Variants in UBE3D observed in about 807,000 individuals in gnomAD.
UBE3D encodes the protein E3 ubiquitin-protein ligase E3D.
UBE3D carries 48 observed loss-of-function variants against 49.6 expected under a neutral mutation model. That is an observed-to-expected ratio of 0.97 (90% CI 0.77 to 1.23). UBE3D has a LOEUF of 1.23. Ranked by LOEUF, UBE3D falls within the 50% of genes most tolerant of loss-of-function variation. The pLI, the probability that UBE3D is intolerant of heterozygous loss-of-function variation, is 0.00. For synonymous variants in UBE3D, 189 were observed against 174.2 expected, an observed-to-expected ratio of 1.08 and a Z score of -0.67; for missense variants, 452 against 468.4, an observed-to-expected ratio of 0.96 and a Z score of 0.32.
At chr6:82,960,124 C>A (rs896305747) in intron 8 of UBE3D, among the ~76,000 whole-genome samples, 4 of 152,152 alleles carry the variant, frequency 2.6e-5, no homozygotes, top group African/African-American at 7.2e-5. Context: ...AAAGTTTTCA[C>A]CTCTAAATAA....
At chr6:83,000,666 C>T (rs1364980831) in intron 8 of UBE3D, among the ~76,000 whole-genome samples, 1 of 152,066 alleles carries the variant, frequency 6.6e-6, no homozygotes, top group Non-Finnish European at 1.5e-5. Flanking sequence ...TTTCAAGTCC[C>T]TTTGGGTCCC....
intron 8 of UBE3D, among the ~76,000 whole-genome samples, chr6:82,999,118 C>G (rs1779441952): frequency 6.6e-6 from 1 of 152,172 alleles, no homozygotes; most frequent in South Asian, 2.1e-4. Context: ...TGCCTCCTCC[C>G]TCTTTACTCC....
At chr6:83,014,084 G>A (rs1269586375) in intron 8 of UBE3D, among the ~76,000 whole-genome samples, 1 of 152,236 alleles carries the variant, frequency 6.6e-6, no homozygotes, top group Non-Finnish European at 1.5e-5. Context: ...AGTACCAGGA[G>A]ATGTGTTAAT....
intron 3 of UBE3D, among the ~76,000 whole-genome samples, chr6:83,051,418 T>A (rs1237615204): frequency 6.6e-6 from 1 of 152,122 alleles, no homozygotes; most frequent in East Asian, 1.9e-4. Flanking sequence ...GGGCAACAGA[T>A]AAAAGATTTT....
chr6:83,044,079 A>AACTTGCTAACCTAAATCAG (rs1408912626), intron 4 of UBE3D, among the ~76,000 whole-genome samples: 1 of 152,230 alleles, frequency 6.6e-6, no homozygotes, highest in Non-Finnish European at 1.5e-5. Context: ...GGAGCAAGAC[A>AACTTGCTAACCTAAATCAG]ACACTTTTAA....
intron 1 of UBE3D, among the ~76,000 whole-genome samples, chr6:83,064,283 G>C (rs1365805784): frequency 6.6e-6 from 1 of 151,988 alleles, no homozygotes; most frequent in Non-Finnish European, 1.5e-5. Flanking sequence ...AACTGCAGTG[G>C]CGCGATCTCA....
chr6:83,059,113 A>G (rs9344334), intron 1 of UBE3D, among the ~76,000 whole-genome samples: 135,099 of 152,178 alleles, frequency 0.89, 60,003 homozygotes, highest in East Asian at 0.94. Context: ...AGGTCGAGGT[A>G]GCTCACTCCT....
At chr6:82,992,216 C>CTTTTT (rs386407755) in intron 8 of UBE3D, among the ~76,000 whole-genome samples, 70 of 96,750 alleles carry the variant, frequency 7.2e-4, no homozygotes, top group East Asian at 1.3e-3. Flanking sequence ...ATCTGCATTC[C>CTTTTT]TTTTTTTTTT....
chr6:82,906,354 T>C (rs1772099807), intron 9 of UBE3D, among the ~76,000 whole-genome samples: 1 of 150,960 alleles, frequency 6.6e-6, no homozygotes, highest in African/African-American at 2.5e-5. Flanking sequence ...AGTGTCCTTA[T>C]GAATTCATGG....
intron 2 of UBE3D, among the ~76,000 whole-genome samples, chr6:83,056,488 C>T (rs1582766257): frequency 6.6e-6 from 1 of 152,162 alleles, no homozygotes; most frequent in African/African-American, 2.4e-5. Flanking sequence ...CTTCCCAGCT[C>T]GGTGACCCTA....
chr6:83,048,079 CAAAAAAAAAA>C (rs35344320), intron 3 of UBE3D, among the ~76,000 whole-genome samples: 5 of 48,062 alleles, frequency 1.0e-4, no homozygotes, highest in African/African-American at 4.4e-4. Context: ...GACTCCAGCT[CAAAAAAAAAA>C]AAAAAAAAAA....
chr6:82,883,421 T>A, the UBE3D span, among the ~76,000 whole-genome samples: 1 of 152,164 alleles, frequency 6.6e-6, no homozygotes, highest in Non-Finnish European at 1.5e-5. Context: ...GAAGCCAACA[T>A]TTACTGAATT....
chr6:82,981,663 G>A (rs1158202159), intron 8 of UBE3D, among the ~76,000 whole-genome samples: 2 of 151,904 alleles, frequency 1.3e-5, no homozygotes, highest in South Asian at 2.1e-4. Flanking sequence ...AAACTGGCCT[G>A]AGAACCTACT....
intron 1 of UBE3D, among the ~76,000 whole-genome samples, chr6:83,063,498 T>G (rs754538084): frequency 6.6e-6 from 1 of 151,204 alleles, no homozygotes; most frequent in Non-Finnish European, 1.5e-5. Context: ...AAGGCATTTA[T>G]GTGAGAAAGC....
At chr6:82,956,856 G>A (rs776463152) in intron 9 of UBE3D, among the ~76,000 whole-genome samples, 14 of 152,170 alleles carry the variant, frequency 9.2e-5, no homozygotes, top group Admixed American at 2.0e-4. Flanking sequence ...GGCCGGATGC[G>A]GTGGCTCATG....
At chr6:82,916,373 T>G (rs886864188) in intron 9 of UBE3D, among the ~76,000 whole-genome samples, 1 of 152,234 alleles carries the variant, frequency 6.6e-6, no homozygotes, top group Non-Finnish European at 1.5e-5. Flanking sequence ...GTAATAATAT[T>G]CTACTTCTTA....
At position 83,065,786 on chromosome 6, in the gene UBE3D, A is replaced by C. The variant is rs1305533656; in HGVS notation, c.-68T>G. On this transcript the variant is annotated 5_prime_UTR_variant, in exon 1 of 10. Coordinates refer to ENST00000369747, the MANE Select transcript of UBE3D (RefSeq NM_198920.3). ...AGGGGCCCGGGTCAACAGGACCAGG[A>C]GAGGTTCCACGTGCGGACCAACCAG... 2.7e-6 allele frequency: 4 copies of C among 1,501,232 alleles called. No homozygotes were observed. In the African/African-American group the frequency reaches 5.6e-5, roughly 21 times the overall value. The allele number at this position is 1,501,232 out of a possible 1,614,324, so 93.0% of individuals were successfully genotyped here. A position where few individuals can be genotyped will look rare whatever the true frequency, so the allele number is the denominator to read the frequency against.
chr6:82,973,238 G>C (rs1423701863), intron 8 of UBE3D, among the ~76,000 whole-genome samples: 1 of 152,078 alleles, frequency 6.6e-6, no homozygotes, highest in Non-Finnish European at 1.5e-5. Context: ...AATTTGATTT[G>C]TATGCACCTA....
chr6:82,918,366 T>C (rs1773082658), intron 9 of UBE3D, among the ~76,000 whole-genome samples: 1 of 152,132 alleles, frequency 6.6e-6, no homozygotes, highest in Non-Finnish European at 1.5e-5. Context: ...AGTCTGAGCT[T>C]TTCATGCTCT....
Sources: gnomAD v4.1 joint callset for allele counts (sites outside exome capture counted in the v4.1 genomes callset) on GRCh38, gnomAD v4.1.1 for gene constraint, MANE v1.5 for transcripts, NCBI Gene and HGNC (gene_info 2026-07-23, HGNC 2026-07-21) for gene names.